GALNT17: variants seen among roughly 807,000 people sequenced by gnomAD.
The protein encoded by GALNT17 is polypeptide N-acetylgalactosaminyltransferase 17.
GALNT17 carries 29 observed loss-of-function variants against 63.7 expected under a neutral mutation model. The observed-to-expected ratio is 0.46, with a 90% CI of 0.34 to 0.62. The LOEUF (loss-of-function observed/expected upper bound fraction) is 0.62. Ranked by LOEUF, GALNT17 falls within the 20% of genes least tolerant of loss-of-function variation. GALNT17 has a pLI of 0.01. For missense variants in GALNT17, 603 were observed against 799.6 expected (o/e 0.75, Z 2.97); for synonymous variants, 305 against 318.3 (o/e 0.96, Z 0.45).
At chr7:71,241,320 C>T (rs1478368205) in intron 1 of GALNT17, among the ~76,000 whole-genome samples, 1 of 152,128 alleles carries the variant, frequency 6.6e-6, no homozygotes, top group Non-Finnish European at 1.5e-5. Context: ...GTATCCTTCC[C>T]CCTTTGTGAA....
At chr7:71,359,441 C>A (rs1792356160) in intron 2 of GALNT17, among the ~76,000 whole-genome samples, 1 of 152,110 alleles carries the variant, frequency 6.6e-6, no homozygotes, top group Admixed American at 6.5e-5. Context: ...GAACCCACTA[C>A]CATGAGGATA....
Position 71,377,114 on chromosome 7 carries a change from A to AAATATATATATATATATAT in GALNT17, c.423-11120_423-11119insATATATATATATATATATA. Among the ~76,000 whole-genome samples, 20 of 57,456 alleles carry AAATATATATATATATATAT rather than the reference A, an allele frequency of 3.5e-4. 1 individual carries two copies. Among genetic ancestry groups the AAATATATATATATATATAT allele is most frequent in the Admixed American group, 5.0e-4 (2 of 3,986 alleles). The allele number at this position is 57,456 out of a possible 152,430, so 37.7% of individuals were successfully genotyped here. A position where few individuals can be genotyped will look rare whatever the true frequency, so the allele number is the denominator to read the frequency against. On this transcript the variant is annotated intron_variant, in intron 2 of 10. Transcript: ENST00000333538. ...AAAAAAAAAAAATAAAAATAAAAAAAATATATATATATATATATATATATA... is the reference window on the plus strand; with the variant it reads ...AAAAAAAAAAAATAAAAATAAAAAAAAATATATATATATATATATATATATATATATATATATATATATA...
intron 9 of GALNT17, among the ~76,000 whole-genome samples, chr7:71,693,386 T>C (rs948556792): frequency 6.7e-6 from 1 of 150,228 alleles, no homozygotes; most frequent in Non-Finnish European, 1.5e-5. Context: ...AAATCCATGT[T>C]TGTGGTTTTG....
intron 2 of GALNT17, among the ~76,000 whole-genome samples, chr7:71,352,512 C>G (rs1224038618): frequency 6.6e-6 from 1 of 152,094 alleles, no homozygotes; most frequent in East Asian, 1.9e-4. Context: ...TTGGAGGGCT[C>G]TTTAAGAATT....
At chr7:71,661,831 G>C (rs1790912020) in intron 6 of GALNT17, among the ~76,000 whole-genome samples, 1 of 152,156 alleles carries the variant, frequency 6.6e-6, no homozygotes. Flanking sequence ...TGTGCTGGCT[G>C]ATATCCACAC....
chr7:71,614,227 G>A (rs571622633), intron 6 of GALNT17, among the ~76,000 whole-genome samples: 1 of 152,188 alleles, frequency 6.6e-6, no homozygotes, highest in Admixed American at 6.5e-5. Context: ...AGCAGGTTGG[G>A]TATCTCTAAT....
intron 5 of GALNT17, among the ~76,000 whole-genome samples, chr7:71,443,028 G>C (rs1302127298): frequency 1.3e-5 from 2 of 152,156 alleles, no homozygotes; most frequent in Non-Finnish European, 2.9e-5. Context: ...TGTGGTTTCT[G>C]TGGCGGCTGC....
chr7:71,634,682 A>G (rs1417711094), intron 6 of GALNT17, among the ~76,000 whole-genome samples: 1 of 149,642 alleles, frequency 6.7e-6, no homozygotes, highest in Admixed American at 6.8e-5. Flanking sequence ...TGAACCTGGG[A>G]GGCGGAGGTT....
chr7:71,413,864 A>G (rs1306354476), intron 3 of GALNT17, among the ~76,000 whole-genome samples: 76 of 146,736 alleles, frequency 5.2e-4, no homozygotes, highest in South Asian at 2.7e-3. Flanking sequence ...GTTTCCATAC[A>G]CTGTTGTTTG....
intron 5 of GALNT17, among the ~76,000 whole-genome samples, chr7:71,555,987 C>G (rs1319806332): frequency 1.3e-5 from 2 of 152,250 alleles, no homozygotes; most frequent in African/African-American, 4.8e-5. Context: ...GCTTTTCTTT[C>G]TATCTCAGCT....
chr7:71,302,966 G>A (rs764055855), intron 1 of GALNT17, among the ~76,000 whole-genome samples: 3 of 152,030 alleles, frequency 2.0e-5, no homozygotes, highest in Non-Finnish European at 2.9e-5. Context: ...CTGGGTTCAA[G>A]CAATTCTCCT....
intron 6 of GALNT17, among the ~76,000 whole-genome samples, chr7:71,596,773 C>T (rs976104922): frequency 6.6e-6 from 1 of 152,020 alleles, no homozygotes; most frequent in Non-Finnish European, 1.5e-5. Context: ...TCGGGGACCA[C>T]TTGTGGGTGG....
At chr7:71,655,366 G>C (rs1790814725) in intron 6 of GALNT17, among the ~76,000 whole-genome samples, 2 of 152,132 alleles carry the variant, frequency 1.3e-5, no homozygotes, top group African/African-American at 4.8e-5. Context: ...AGATCTGATC[G>C]GGTAGTGTGT....
At chr7:71,540,903 C>G (rs1788878827) in intron 5 of GALNT17, among the ~76,000 whole-genome samples, 1 of 152,054 alleles carries the variant, frequency 6.6e-6, no homozygotes, top group Non-Finnish European at 1.5e-5. Context: ...CTGTGCTTGC[C>G]TGCCCTGGAT....
At position 71,526,613 on chromosome 7, in the gene GALNT17, G is replaced by A. The variant is rs187914663; in HGVS notation, c.963-44672G>A. On this transcript the variant is annotated intron_variant, in intron 5 of 10. Coordinates refer to ENST00000333538, the MANE Select transcript of GALNT17 (RefSeq NM_022479.3). Reference sequence around the variant, plus strand: ...TGGCACACTGCAACCTTTGCCTCCTGGGTTCAAGCAATTCTCCTGTCTTAG... The same window carrying A: ...TGGCACACTGCAACCTTTGCCTCCTAGGTTCAAGCAATTCTCCTGTCTTAG... 2.2e-3 allele frequency among the ~76,000 whole-genome samples: 335 copies of A among 152,238 alleles called. 2 individuals carry two copies. Among genetic ancestry groups the A allele is most frequent in the African/African-American group, 7.8e-3 (323 of 41,540 alleles).
chr7:71,314,137 C>T (rs778929919), intron 1 of GALNT17, among the ~76,000 whole-genome samples: 2 of 152,106 alleles, frequency 1.3e-5, no homozygotes, highest in Non-Finnish European at 1.5e-5. Flanking sequence ...CAAAACCAAA[C>T]GCAATTGAAA....
At chr7:71,503,827 G>A (rs1033938009) in intron 5 of GALNT17, among the ~76,000 whole-genome samples, 2 of 152,114 alleles carry the variant, frequency 1.3e-5, no homozygotes, top group African/African-American at 4.8e-5. Flanking sequence ...TGGGCACCGT[G>A]GCTCACGCTT....
intron 1 of GALNT17, among the ~76,000 whole-genome samples, chr7:71,175,742 A>G (rs77075489): frequency 0.022 from 3,402 of 152,216 alleles, 91 homozygotes; most frequent in African/African-American, 0.067. Flanking sequence ...ATAACTTAAA[A>G]TAATGACAAC....
intron 1 of GALNT17, among the ~76,000 whole-genome samples, chr7:71,237,142 T>C (rs1051242984): frequency 6.6e-6 from 1 of 152,192 alleles, no homozygotes; most frequent in Admixed American, 6.5e-5. Flanking sequence ...ATTCATCCAA[T>C]CATAGGCAGA....
Sources: allele counts gnomAD v4.1 joint callset (sites outside exome capture counted in the v4.1 genomes callset), GRCh38; gene constraint gnomAD v4.1.1; transcripts MANE v1.5; gene names NCBI Gene and HGNC (gene_info 2026-07-23, HGNC 2026-07-21).